The following CUX1 variants were observed in gnomAD, a reference collection of about 807,000 sequenced individuals.
CUX1 encodes the protein cut like homeobox 1, also known as protein CASP.
CUX1 carries 31 observed loss-of-function variants against 158.8 expected under a neutral mutation model. The ratio of observed to expected loss-of-function variants is 0.20; its 90% CI spans 0.15 to 0.26. CUX1 has a LOEUF of 0.26. Among genes scored for constraint, CUX1 ranks in the 10% least tolerant of loss-of-function variants. CUX1 has a pLI of 1.00. For synonymous variants in CUX1, 879 were observed against 862.1 expected (o/e 1.02, Z -0.34); for missense variants, 1,589 against 2,014.6 (o/e 0.79, Z 4.04).
intron 2 of CUX1, among the ~76,000 whole-genome samples, chr7:102,004,604 TAG>T (rs1211048923): frequency 6.6e-6 from 1 of 152,192 alleles, no homozygotes; most frequent in African/African-American, 2.4e-5. Context: ...ACCATTGAGC[TAG>T]AGTCATTCCC....
intron 3 of CUX1, among the ~76,000 whole-genome samples, chr7:102,069,035 G>A (rs946773659): frequency 1.3e-5 from 2 of 152,134 alleles, no homozygotes; most frequent in Non-Finnish European, 2.9e-5. Flanking sequence ...CCCCGGGACC[G>A]TCCTCAATTC....
intron 2 of CUX1, among the ~76,000 whole-genome samples, chr7:101,924,108 T>C (rs192001359): frequency 6.6e-6 from 1 of 152,234 alleles, no homozygotes; most frequent in South Asian, 2.1e-4. Flanking sequence ...CAGGATGCAC[T>C]GTGTGCGGGG....
intron 2 of CUX1, among the ~76,000 whole-genome samples, chr7:102,020,875 G>A (rs28457776): frequency 2.0e-5 from 3 of 149,666 alleles, no homozygotes; most frequent in Non-Finnish European, 4.4e-5. Flanking sequence ...AGCAAAACTC[G>A]GTTTGGAAAA....
At chr7:102,051,132 A>C (rs1585424945) in intron 3 of CUX1, among the ~76,000 whole-genome samples, 1 of 151,006 alleles carries the variant, frequency 6.6e-6, no homozygotes. Context: ...ATCCCCAGTC[A>C]CCTCCTCTGC....
At chr7:101,833,843 A>G (rs1372999952) in intron 1 of CUX1, among the ~76,000 whole-genome samples, 1 of 152,098 alleles carries the variant, frequency 6.6e-6, no homozygotes, top group Non-Finnish European at 1.5e-5. Context: ...CGATTTTGCT[A>G]AGAAATCTTC....
chr7:102,164,372 C>A (rs140964676), intron 9 of CUX1, among the ~76,000 whole-genome samples: 2,150 of 152,322 alleles, frequency 0.014, 39 homozygotes, highest in African/African-American at 0.048. Context: ...AGAGTCCGTG[C>A]TCAAAAAGAT....
At chr7:102,004,335 G>T (rs879479267) in intron 2 of CUX1, among the ~76,000 whole-genome samples, 1 of 152,230 alleles carries the variant, frequency 6.6e-6, no homozygotes, top group Non-Finnish European at 1.5e-5. Context: ...CTAGAATGAA[G>T]AGGTTGCCCT....
At chr7:102,214,135 A>AAAT (rs148043587) in intron 20 of CUX1, among the ~76,000 whole-genome samples, 31 of 151,760 alleles carry the variant, frequency 2.0e-4, no homozygotes, top group African/African-American at 4.6e-4. Context: ...TTCATCTCAA[A>AAAT]AATAATAATA....
intron 3 of CUX1, among the ~76,000 whole-genome samples, chr7:102,040,549 C>T (rs1386790141): frequency 2.0e-5 from 3 of 152,092 alleles, no homozygotes; most frequent in African/African-American, 4.8e-5. Context: ...CCATGGGCAC[C>T]GGCAGGATGA....
At chr7:102,269,113 GGTTTTTTTGTTTGTTT>G (rs1249811601) in intron 14 of CUX1, among the ~76,000 whole-genome samples, 2 of 90,794 alleles carry the variant, frequency 2.2e-5, no homozygotes, top group African/African-American at 1.0e-4. Flanking sequence ...TTTTTGTGTG[GGTTTTTTTGTTTGTTT>G]GTTTGTTTGT....
At chr7:101,994,004 C>T (rs949959507) in intron 2 of CUX1, among the ~76,000 whole-genome samples, 3 of 152,180 alleles carry the variant, frequency 2.0e-5, no homozygotes, top group African/African-American at 7.2e-5. Flanking sequence ...ACTCCCAGAG[C>T]CCATCTGTCT....
chr7:102,248,922 G>T lies in CUX1; in HGVS notation c.4398G>T (p.Ala1466=). ...LQSLFGLPEA[A]GARDSRDNPL... ...GCCTTTTCGGCCTCCCCGAGGCCGC[G>T]GGCGCCCGGGACTCGCGCGACAACC... Residue 1466 remains alanine, a synonymous_variant, in exon 24 of 24, where the codon GCG becomes GCT. Coordinates refer to ENST00000292535, the MANE Select transcript of CUX1 (RefSeq NM_181552.4). The surrounding 1 kb of genome is among the most constrained non-coding windows in gnomAD (Gnocchi z 5.8). 1 of 1,463,712 alleles carries T rather than the reference G, an allele frequency of 6.8e-7. No homozygotes were observed. The allele number at this position is 1,463,712 out of a possible 1,614,324, so 90.7% of individuals were successfully genotyped here.
rs943209606 is a variant in CUX1, at chr7:101,913,490, C to T, written c.31-2625C>T. On this transcript the variant is annotated intron_variant, in intron 1 of 23. Coordinates refer to ENST00000292535, the MANE Select transcript of CUX1 (RefSeq NM_181552.4). The stretch of plus-strand genomic sequence containing the variant: ...TGTTTCAGTTTCCTCCTCCACCAGG[C>T]AGGCTCTCTGACAGATCAGCCCAGG... The T allele has an allele frequency of 1.1e-5, 12 of 1,070,972 alleles. No homozygotes were observed. The African/African-American group carries it at 1.1e-4, about 10-fold the overall frequency. The allele number at this position is 1,070,972 out of a possible 1,614,324, so 66.3% of individuals were successfully genotyped here.
intron 2 of CUX1, among the ~76,000 whole-genome samples, chr7:101,942,150 G>T (rs2129140307): frequency 6.6e-6 from 1 of 152,260 alleles, no homozygotes; most frequent in East Asian, 1.9e-4. Context: ...TTAGCTCGAG[G>T]GTTGGAGGGC....
At chr7:102,025,823 A>G (rs1819952983) in intron 2 of CUX1, among the ~76,000 whole-genome samples, 1 of 152,108 alleles carries the variant, frequency 6.6e-6, no homozygotes, top group Non-Finnish European at 1.5e-5. Flanking sequence ...TCTTGACCAA[A>G]TGTTTCTACA....
chr7:101,913,620 T>G (rs1322855691), intron 1 of CUX1, among the ~76,000 whole-genome samples: 1 of 151,966 alleles, frequency 6.6e-6, no homozygotes, highest in African/African-American at 2.4e-5. Context: ...GATGAGAAGT[T>G]GGGGGTCGGG....
At chr7:102,106,038 T>TTAACTTCCTA (rs1830306331) in intron 6 of CUX1, among the ~76,000 whole-genome samples, 1 of 151,722 alleles carries the variant, frequency 6.6e-6, no homozygotes, top group Non-Finnish European at 1.5e-5. Flanking sequence ...TTATTTTCAG[T>TTAACTTCCTA]TGACTTCCTA....
chr7:101,882,586 TC>T (rs1195737380), intron 1 of CUX1, among the ~76,000 whole-genome samples: 11 of 152,200 alleles, frequency 7.2e-5, no homozygotes, highest in African/African-American at 2.7e-4. Flanking sequence ...GGCTAGCACC[TC>T]TCGTCACCTT....
chr7:102,134,503 C>T (rs1447733596), intron 8 of CUX1, among the ~76,000 whole-genome samples: 3 of 152,122 alleles, frequency 2.0e-5, no homozygotes, highest in African/African-American at 4.8e-5. Context: ...CAGAGGGGAC[C>T]GTGGCAAAGG....
Sources: gnomAD v4.1 joint callset for allele counts (sites outside exome capture counted in the v4.1 genomes callset) on GRCh38, gnomAD v4.1.1 for gene constraint, Gnocchi (gnomAD v3.1) non-coding constraint, MANE v1.5 for transcripts, NCBI Gene and HGNC (gene_info 2026-07-23, HGNC 2026-07-21) for gene names.